VSTM2B: variants seen among roughly 807,000 people sequenced by gnomAD.
VSTM2B encodes V-set and transmembrane domain containing 2B, also known as V-set and transmembrane domain-containing protein 2B.
VSTM2B carries 24 observed loss-of-function variants against 24.0 expected under a neutral mutation model. That is an observed-to-expected ratio of 1.00 (90% CI 0.72 to 1.40). The LOEUF (loss-of-function observed/expected upper bound fraction) is 1.40, where lower values mean the gene tolerates loss of function less well. Ranked by LOEUF, VSTM2B falls within the 40% of genes most tolerant of loss-of-function variation. VSTM2B has a pLI of 0.00. For synonymous variants in VSTM2B, 226 were observed against 194.4 expected (o/e 1.16, Z -1.35); for missense variants, 399 against 416.4 (o/e 0.96, Z 0.36).
At chr19:29,531,015 T>A (rs1236212459) in intron 4 of VSTM2B, among the ~76,000 whole-genome samples, 1 of 144,990 alleles carries the variant, frequency 6.9e-6, no homozygotes, top group Non-Finnish European at 1.5e-5. Context: ...GGGCGGGATG[T>A]GAGAAGGCAG....
intron 4 of VSTM2B, among the ~76,000 whole-genome samples, chr19:29,531,625 G>C (rs1599877754): frequency 6.6e-6 from 1 of 152,188 alleles, no homozygotes; most frequent in Non-Finnish European, 1.5e-5. Flanking sequence ...CTATTGGCTT[G>C]ATCCGAAGGC....
chr19:29,547,486 C>T (rs1970181265), intron 4 of VSTM2B, among the ~76,000 whole-genome samples: 1 of 152,200 alleles, frequency 6.6e-6, no homozygotes, highest in Non-Finnish European at 1.5e-5. Flanking sequence ...CTGGTCTGGT[C>T]CCTGACATCT....
At chr19:29,530,441 C>A (rs538352483) in intron 4 of VSTM2B, among the ~76,000 whole-genome samples, 151 bp downstream of exon 4, 25 of 146,022 alleles carry the variant, frequency 1.7e-4, no homozygotes, top group East Asian at 9.6e-4. Flanking sequence ...GAGCGCCCCC[C>A]CCAGGGCCTT....
intron 4 of VSTM2B, among the ~76,000 whole-genome samples, chr19:29,539,244 G>A (rs759428716): frequency 3.9e-5 from 6 of 152,138 alleles, no homozygotes; most frequent in Admixed American, 3.9e-4. Context: ...CAGGGCTCCT[G>A]GGGAAAGCTG....
At chr19:29,528,383 A>G in intron 2 of VSTM2B, 50 bp from the exon 3 acceptor site, 1 of 1,550,818 alleles carries the variant, frequency 6.4e-7, no homozygotes, top group South Asian at 1.2e-5. Context: ...GAGTTCCCCT[A>G]GCCAGAAGGC....
rs1264906727 is a variant in VSTM2B at position 29,526,576 on chromosome 19, C to T, written c.-8C>T. 1 of 1,510,278 alleles carries T rather than the reference C, an allele frequency of 6.6e-7. No homozygotes were observed. Among genetic ancestry groups the T allele is most frequent in the East Asian group, 2.6e-5 (1 of 37,952 alleles). The allele number at this position is 1,510,278 out of a possible 1,614,324, so 93.6% of individuals were successfully genotyped here. ...GGGCCCCCGCCGCCACCGCGCCCCC[C>T]GCGGGAGATGGAACAGCGGAACCGG... On this transcript the variant is annotated 5_prime_UTR_variant, in exon 1 of 5. Transcript: ENST00000335523. The surrounding 1 kb of genome is among the most constrained non-coding windows in gnomAD (Gnocchi z 4.1).
chr19:29,537,480 T>G (rs1969917720), intron 4 of VSTM2B, among the ~76,000 whole-genome samples: 1 of 152,144 alleles, frequency 6.6e-6, no homozygotes, highest in Non-Finnish European at 1.5e-5. Context: ...ACAGACCTTG[T>G]GCAAAGCCTG....
intron 4 of VSTM2B, among the ~76,000 whole-genome samples, chr19:29,556,602 A>T (rs868546604): frequency 6.7e-6 from 1 of 150,280 alleles, no homozygotes; most frequent in Non-Finnish European, 1.5e-5. Flanking sequence ...CTGTTTGCAG[A>T]TGACATGATC....
chr19:29,559,834 A>G (rs148350984), intron 4 of VSTM2B, among the ~76,000 whole-genome samples: 1 of 152,270 alleles, frequency 6.6e-6, no homozygotes, highest in Non-Finnish European at 1.5e-5. Context: ...TTAGCTTTTG[A>G]TACATAATGA....
intron 4 of VSTM2B, among the ~76,000 whole-genome samples, chr19:29,549,286 G>A (rs760098714): frequency 1.4e-4 from 22 of 152,214 alleles, no homozygotes; most frequent in South Asian, 4.1e-4. Context: ...AAATCAGGGA[G>A]TGGGGCAGGC....
At chr19:29,535,252 G>C (rs1969859748) in intron 4 of VSTM2B, among the ~76,000 whole-genome samples, 1 of 152,138 alleles carries the variant, frequency 6.6e-6, no homozygotes, top group Non-Finnish European at 1.5e-5. Context: ...GAGAGAGAGA[G>C]ACCAAGCAGA....
intron 4 of VSTM2B, among the ~76,000 whole-genome samples, chr19:29,530,710 C>T (rs376793851): frequency 1.5e-4 from 23 of 152,208 alleles, no homozygotes; most frequent in East Asian, 1.2e-3. Flanking sequence ...TGCTGGAGAG[C>T]GGGAGGCGGT....
intron 4 of VSTM2B, among the ~76,000 whole-genome samples, chr19:29,561,469 C>CA (rs1344705395): frequency 6.6e-6 from 1 of 151,164 alleles, no homozygotes; most frequent in Non-Finnish European, 1.5e-5. Flanking sequence ...ACTAAAAACA[C>CA]AAAAAATTAG....
chr19:29,560,203 G>A (rs1389588300), intron 4 of VSTM2B, among the ~76,000 whole-genome samples: 1 of 152,164 alleles, frequency 6.6e-6, no homozygotes, highest in Non-Finnish European at 1.5e-5. Flanking sequence ...ATGTGACCAA[G>A]CCCAGAGTCA....
rs536632986 is a variant in VSTM2B, at chr19:29,559,380, A to C, written c.770-4466A>C. Reference sequence around the variant, plus strand: ...ACAGGAACAGAAAACCAAACACCACATGTTGTCATTCATAAGTGGGAGTTG... The same window carrying C: ...ACAGGAACAGAAAACCAAACACCACCTGTTGTCATTCATAAGTGGGAGTTG... On this transcript the variant is annotated intron_variant, in intron 4 of 4. Coordinates refer to ENST00000335523, the MANE Select transcript of VSTM2B (RefSeq NM_001146339.2). Among the ~76,000 whole-genome samples the C allele has an allele frequency of 4.6e-5, 7 of 152,314 alleles. No homozygotes were observed. In the East Asian group the frequency reaches 1.4e-3, roughly 29 times the overall value.
chr19:29,563,160 G>A (rs13382165), intron 4 of VSTM2B, among the ~76,000 whole-genome samples: 4 of 151,818 alleles, frequency 2.6e-5, no homozygotes, highest in African/African-American at 9.7e-5. Context: ...GTGGGATCGT[G>A]TAGCCTTCAT....
chr19:29,526,854 C>T lies in VSTM2B; in HGVS notation c.82+189C>T. 1.9e-6 allele frequency: 1 copy of T among 532,610 alleles called. No individual in the cohort carries two copies. Among genetic ancestry groups the T allele is most frequent in the Non-Finnish European group, 3.2e-6 (1 of 317,190 alleles). The allele number at this position is 532,610 out of a possible 1,614,324, so 33.0% of individuals were successfully genotyped here. A position where few individuals can be genotyped will look rare whatever the true frequency, so the allele number is the denominator to read the frequency against. ...GTCGCCGCAGCAGCAGCGCCGCGCC[C>T]GAGTCGTTCCCAGTCCCGCCGGGGC... is the stretch of plus-strand genomic sequence containing the variant. On this transcript the variant is annotated intron_variant, in intron 1 of 4. Coordinates refer to ENST00000335523, the MANE Select transcript of VSTM2B (RefSeq NM_001146339.2). The surrounding 1 kb of genome is among the most constrained non-coding windows in gnomAD (Gnocchi z 4.1).
At chr19:29,529,737 T>C in intron 3 of VSTM2B, 82 bp from the exon 4 acceptor site, 1 of 1,361,840 alleles carries the variant, frequency 7.3e-7, no homozygotes, top group Non-Finnish European at 1.0e-6. Context: ...GGTGCGCGGA[T>C]GAGGGGGCGC....
intron 3 of VSTM2B, among the ~76,000 whole-genome samples, chr19:29,529,330 G>A (rs1236897869): frequency 6.6e-6 from 1 of 152,216 alleles, no homozygotes; most frequent in Non-Finnish European, 1.5e-5. Flanking sequence ...CTTTCCTTAG[G>A]AAGCGATTCG....
Sources: allele counts gnomAD v4.1 joint callset (sites outside exome capture counted in the v4.1 genomes callset), GRCh38; gene constraint gnomAD v4.1.1; non-coding constraint Gnocchi (gnomAD v3.1); transcripts MANE v1.5; gene names NCBI Gene and HGNC (gene_info 2026-07-23, HGNC 2026-07-21).